The following MAML2 variants were observed in gnomAD, a reference collection of about 807,000 sequenced individuals.
MAML2 encodes the protein mastermind-like protein 2.
MAML2 carries 22 observed loss-of-function variants against 96.1 expected under a neutral mutation model. That is an observed-to-expected ratio of 0.23 (90% CI 0.16 to 0.33). The LOEUF (loss-of-function observed/expected upper bound fraction) is 0.33, where lower values mean the gene tolerates loss of function less well. MAML2 is among the 10% of genes least tolerant of loss of function. MAML2 has a pLI of 1.00. For missense variants in MAML2, 1,367 were observed against 1,392.4 expected (o/e 0.98, Z 0.29); for synonymous variants, 561 against 521.3 (o/e 1.08, Z -1.04).
At chr11:96,062,225 T>C (rs1259449638) in intron 2 of MAML2, among the ~76,000 whole-genome samples, 2 of 152,202 alleles carry the variant, frequency 1.3e-5, no homozygotes, top group Non-Finnish European at 2.9e-5. Flanking sequence ...ACAACTGTGA[T>C]GTGGCATTTA....
intron 1 of MAML2, among the ~76,000 whole-genome samples, chr11:96,094,756 G>C (rs1034734977): frequency 1.3e-5 from 2 of 152,148 alleles, no homozygotes; most frequent in African/African-American, 2.4e-5. Flanking sequence ...TCCCAGTGCT[G>C]CAGACCCACT....
chr11:96,172,200 C>A lies in MAML2; in HGVS notation c.514-78683G>T, dbSNP rs368716472. ...TATTTTTTGAATGAATACATGAATG[C>A]TTAAAACCTCATTGCAGGCCATTCT... On this transcript the variant is annotated intron_variant, in intron 1 of 4. Coordinates refer to ENST00000524717, the MANE Select transcript of MAML2 (RefSeq NM_032427.4). Among the ~76,000 whole-genome samples the A allele has an allele frequency of 1.1e-4, 16 of 152,326 alleles. No individual in the cohort carries two copies. The East Asian group carries it at 1.7e-3, about 17-fold the overall frequency.
At chr11:96,108,805 G>A (rs1860070194) in intron 1 of MAML2, among the ~76,000 whole-genome samples, 1 of 152,094 alleles carries the variant, frequency 6.6e-6, no homozygotes, top group Non-Finnish European at 1.5e-5. Flanking sequence ...GGCCAAGACA[G>A]GCAGATCGCT....
At chr11:96,134,923 T>C (rs1860604062) in intron 1 of MAML2, among the ~76,000 whole-genome samples, 1 of 152,216 alleles carries the variant, frequency 6.6e-6, no homozygotes. Context: ...TGCAGTTCAT[T>C]AGATTGCCCA....
intron 1 of MAML2, among the ~76,000 whole-genome samples, chr11:96,307,975 C>G (rs1863488082): frequency 6.6e-6 from 1 of 152,106 alleles, no homozygotes; most frequent in Admixed American, 6.6e-5. Flanking sequence ...AGAGTCCTGG[C>G]TTCATGTGGT....
chr11:96,100,735 C>CTTTTTTTTTTTT (rs66593553), intron 1 of MAML2, among the ~76,000 whole-genome samples: 2 of 136,160 alleles, frequency 1.5e-5, no homozygotes, highest in African/African-American at 2.8e-5. Context: ...GTCAAAATAG[C>CTTTTTTTTTTTT]TTTTTTTTTT....
chr11:96,192,359 C>T (rs1444959549), intron 1 of MAML2, among the ~76,000 whole-genome samples: 1 of 152,210 alleles, frequency 6.6e-6, no homozygotes, highest in African/African-American at 2.4e-5. Context: ...TAACAAGGAA[C>T]GTCACTGTGA....
Position 96,102,858 on chromosome 11 carries a change from A to G in MAML2, c.514-9341T>C, listed in dbSNP as rs745376869. Among the ~76,000 whole-genome samples the G allele has an allele frequency of 3.3e-5, 5 of 152,256 alleles. No individual in the cohort carries two copies. The South Asian group carries it at 6.2e-4, about 19-fold the overall frequency. On this transcript the variant is annotated intron_variant, in intron 1 of 4. Transcript: ENST00000524717. ...CCTGAAAAATCCAGCTGCTTTGTGC[A>G]TGAAATACTTTAACCATGACTCACT...
chr11:96,196,067 CA>C (rs1861726197), intron 1 of MAML2, among the ~76,000 whole-genome samples: 1 of 152,092 alleles, frequency 6.6e-6, no homozygotes, highest in Non-Finnish European at 1.5e-5. Context: ...ATATCTGCAA[CA>C]AAGATGAAGA....
chr11:96,072,395 G>A (rs1859361041), intron 2 of MAML2, among the ~76,000 whole-genome samples: 1 of 152,206 alleles, frequency 6.6e-6, no homozygotes, highest in African/African-American at 2.4e-5. Flanking sequence ...CTTGAAATCA[G>A]AAGTTCACAG....
At chr11:96,186,671 T>C (rs1861579925) in intron 1 of MAML2, among the ~76,000 whole-genome samples, 1 of 152,214 alleles carries the variant, frequency 6.6e-6, no homozygotes, top group African/African-American at 2.4e-5. Context: ...GTAACTCACA[T>C]GCATTTTATT....
intron 1 of MAML2, among the ~76,000 whole-genome samples, chr11:96,280,312 A>T (rs540379995): frequency 4.6e-5 from 7 of 152,210 alleles, no homozygotes; most frequent in African/African-American, 7.2e-5. Context: ...ATTTTTTTTT[A>T]AAGTCTTTAA....
chr11:96,086,757 G>C (rs1288596894), intron 2 of MAML2, among the ~76,000 whole-genome samples: 2 of 152,162 alleles, frequency 1.3e-5, no homozygotes, highest in African/African-American at 2.4e-5. Flanking sequence ...CTAGAGCTAA[G>C]AATGGAGCAA....
intron 1 of MAML2, among the ~76,000 whole-genome samples, chr11:96,197,364 G>A (rs987982340): frequency 6.6e-6 from 1 of 152,138 alleles, no homozygotes; most frequent in African/African-American, 2.4e-5. Flanking sequence ...TAGTAATACT[G>A]ACCTCCATTA....
At chr11:96,113,685 T>G (rs1359912159) in intron 1 of MAML2, among the ~76,000 whole-genome samples, 2 of 151,158 alleles carry the variant, frequency 1.3e-5, no homozygotes, top group African/African-American at 4.9e-5. Flanking sequence ...TTACGAATGA[T>G]GAAAAAGAAA....
intron 1 of MAML2, among the ~76,000 whole-genome samples, chr11:96,197,296 A>G (rs1360079340): frequency 6.6e-6 from 1 of 152,198 alleles, no homozygotes; most frequent in Non-Finnish European, 1.5e-5. Flanking sequence ...CGACATAACT[A>G]ATTTTGAGTA....
chr11:95,979,494 C>A lies in MAML2; in HGVS notation c.2925G>T (p.Gln975His). The stretch of plus-strand genomic sequence containing the variant: ...CTCCTGCAGACGTCAGGGCTTCTTG[C>A]TGTTTGCTTGTTCCTTCTTGAGAGG... Reference protein sequence around the residue: ...NWASQEGTSKQQEALTSAGVR... With the variant: ...NWASQEGTSKHQEALTSAGVR... The change falls in exon 5 of 5, where the codon CAG becomes CAT. Residue 975 changes from glutamine to histidine, a missense_variant. Coordinates refer to ENST00000524717, the MANE Select transcript of MAML2 (RefSeq NM_032427.4). The A allele has an allele frequency of 6.2e-7, 1 of 1,613,570 alleles. No homozygotes were observed. The highest frequency in any genetic ancestry group is 8.5e-7 in the Non-Finnish European group (1 of 1,179,758).
chr11:96,313,472 C>T (rs1375280628), intron 1 of MAML2, among the ~76,000 whole-genome samples: 1 of 152,144 alleles, frequency 6.6e-6, no homozygotes, highest in African/African-American at 2.4e-5. Flanking sequence ...CCAAATCCCA[C>T]CACTTGTTCT....
intron 1 of MAML2, among the ~76,000 whole-genome samples, chr11:96,258,140 C>T (rs1565264909): frequency 6.6e-6 from 1 of 152,170 alleles, no homozygotes; most frequent in Non-Finnish European, 1.5e-5. Flanking sequence ...AGCAGAGTGG[C>T]TTTAACAACA....
Sources: allele counts gnomAD v4.1 joint callset (sites outside exome capture counted in the v4.1 genomes callset), GRCh38; gene constraint gnomAD v4.1.1; transcripts MANE v1.5; gene names NCBI Gene and HGNC (gene_info 2026-07-23, HGNC 2026-07-21).